The following ADAM2 variants were observed in gnomAD, a reference collection of about 807,000 sequenced individuals.
ADAM2 encodes the protein disintegrin and metalloproteinase domain-containing protein 2.
Under a neutral mutation model 99.3 loss-of-function variants are expected in ADAM2, and 101 were observed. The observed-to-expected ratio is 1.02, with a 90% CI of 0.87 to 1.20. The LOEUF (loss-of-function observed/expected upper bound fraction) is 1.20, where lower values mean the gene tolerates loss of function less well. Among genes scored for constraint, ADAM2 ranks in the 50% most tolerant of loss-of-function variants. The pLI, the probability that ADAM2 is intolerant of heterozygous loss-of-function variation, is 0.00. For synonymous variants in ADAM2, 323 were observed against 287.6 expected, an observed-to-expected ratio of 1.12 and a Z score of -1.25; for missense variants, 948 against 878.7, an observed-to-expected ratio of 1.08 and a Z score of -1.00.
chr8:39,820,145 G>A (rs1325594686), intron 6 of ADAM2, among the ~76,000 whole-genome samples: 2 of 152,124 alleles, frequency 1.3e-5, no homozygotes, highest in Non-Finnish European at 2.9e-5. Context: ...GAACATTTTT[G>A]TCAAACTAGC....
intron 14 of ADAM2, among the ~76,000 whole-genome samples, chr8:39,764,802 T>G (rs1311136581): frequency 6.6e-6 from 1 of 151,998 alleles, no homozygotes; most frequent in Non-Finnish European, 1.5e-5. Context: ...TCACCTGTGG[T>G]CAGGAGTTCG....
chr8:39,837,059 A>G (rs1040702874), intron 2 of ADAM2, 77 bp downstream of exon 2: 41 of 1,195,542 alleles, frequency 3.4e-5, no homozygotes, highest in Non-Finnish European at 4.7e-5. Context: ...GCATGAATGA[A>G]AAATGGCAGA....
At chr8:39,802,279 TC>T (rs1314818812) in intron 7 of ADAM2, among the ~76,000 whole-genome samples, 1 of 152,160 alleles carries the variant, frequency 6.6e-6, no homozygotes, top group Non-Finnish European at 1.5e-5. Flanking sequence ...ACACTGCTCT[TC>T]CTTCTTTCCG....
chr8:39,772,188 C>T (rs1021014225), intron 11 of ADAM2, among the ~76,000 whole-genome samples: 3 of 149,828 alleles, frequency 2.0e-5, no homozygotes, highest in African/African-American at 7.3e-5. Context: ...CAGCTTGAAT[C>T]TTCATGGAGA....
At chr8:39,828,661 T>G (rs1805503806) in intron 3 of ADAM2, among the ~76,000 whole-genome samples, 1 of 151,866 alleles carries the variant, frequency 6.6e-6, no homozygotes. Flanking sequence ...TAATTAAAAC[T>G]ATGACATTTG....
chr8:39,791,510 T>C (rs540915582), intron 7 of ADAM2, among the ~76,000 whole-genome samples: 2 of 152,210 alleles, frequency 1.3e-5, no homozygotes, highest in South Asian at 2.1e-4. Context: ...TGGCTATCCC[T>C]GTAACCCATT....
intron 7 of ADAM2, among the ~76,000 whole-genome samples, chr8:39,801,848 C>A (rs1489660695): frequency 6.6e-6 from 1 of 152,196 alleles, no homozygotes; most frequent in African/African-American, 2.4e-5. Flanking sequence ...TGGGAACAAG[C>A]CATCCAGCCT....
intron 5 of ADAM2, 24 bp downstream of exon 5, chr8:39,821,562 A>G: frequency 6.7e-7 from 1 of 1,483,828 alleles, no homozygotes; most frequent in Non-Finnish European, 9.3e-7. Flanking sequence ...TTATTTTGTA[A>G]TTCATAAAAC....
chr8:39,779,676 A>G (rs1432128183), intron 10 of ADAM2, among the ~76,000 whole-genome samples: 1 of 152,176 alleles, frequency 6.6e-6, no homozygotes, highest in Non-Finnish European at 1.5e-5. Context: ...TGGTGAATAT[A>G]CCTGTTTAGA....
At chr8:39,774,823 T>C (rs1221455471) in intron 11 of ADAM2, 3 of 152,102 alleles carry the variant, frequency 2.0e-5, no homozygotes, top group African/African-American at 7.2e-5. Context: ...TATATTGTGG[T>C]TGAGATAAAT....
chr8:39,778,831 T>C (rs913771219), intron 10 of ADAM2, among the ~76,000 whole-genome samples: 13 of 152,128 alleles, frequency 8.5e-5, no homozygotes, highest in Non-Finnish European at 1.6e-4. Context: ...ATATTAATAC[T>C]GGTACTGTTA....
At chr8:39,750,071 G>A (rs777589404) in intron 16 of ADAM2, among the ~76,000 whole-genome samples, 12 of 152,024 alleles carry the variant, frequency 7.9e-5, no homozygotes, top group Admixed American at 4.6e-4. Flanking sequence ...TTTGTGAAGC[G>A]TAAAATACAG....
intron 10 of ADAM2, among the ~76,000 whole-genome samples, chr8:39,785,603 CTG>C (rs1803434044): frequency 6.6e-6 from 1 of 152,056 alleles, no homozygotes; most frequent in South Asian, 2.1e-4. Context: ...CAAGACCAGC[CTG>C]GCCAATGTGG....
chr8:39,777,688 G>A (rs907008581), intron 10 of ADAM2, among the ~76,000 whole-genome samples: 1 of 151,848 alleles, frequency 6.6e-6, no homozygotes, highest in Admixed American at 6.6e-5. Flanking sequence ...GAATTGAAAT[G>A]TTCCTAATGC....
intron 11 of ADAM2, among the ~76,000 whole-genome samples, chr8:39,773,277 T>C (rs949781530): frequency 2.6e-5 from 4 of 151,732 alleles, no homozygotes; most frequent in Non-Finnish European, 5.9e-5. Context: ...TGGTGTGTAA[T>C]TGAAGGTCAA....
chr8:39,821,022 A>G lies in ADAM2; in HGVS notation c.493T>C (p.Phe165Leu). ...CCTACCTCTACGCTTTGTAATTTAA[A>G]GGACAGATCTCTTGATTCAATATCC... ...EKDIESRDLS[F>L]KLQSVEPQQD... Residue 165 changes from phenylalanine to leucine, a missense_variant, in exon 6 of 21, where the codon TTT becomes CTT. Physicochemically the swap from Phe to Leu is conservative, Grantham distance 22 (BLOSUM62 0). Transcript: ENST00000265708. 1 of 1,597,418 alleles carries G rather than the reference A, an allele frequency of 6.3e-7. No individual in the cohort carries two copies. The highest frequency in any genetic ancestry group is 8.5e-7 in the Non-Finnish European group (1 of 1,170,508).
intron 4 of ADAM2, among the ~76,000 whole-genome samples, chr8:39,823,488 C>T (rs1180802914): frequency 6.6e-6 from 1 of 151,666 alleles, no homozygotes; most frequent in Non-Finnish European, 1.5e-5. Flanking sequence ...TTACCACATT[C>T]AGATTGTTGA....
chr8:39,772,210 C>T (rs542543354), intron 11 of ADAM2, among the ~76,000 whole-genome samples: 1 of 150,534 alleles, frequency 6.6e-6, no homozygotes, highest in African/African-American at 2.4e-5. Context: ...TTGCTGGATG[C>T]TTTCATTCTC....
At chr8:39,778,561 T>G (rs1803091276) in intron 10 of ADAM2, among the ~76,000 whole-genome samples, 1 of 152,142 alleles carries the variant, frequency 6.6e-6, no homozygotes, top group South Asian at 2.1e-4. Context: ...GTGGAGGTAC[T>G]GCAAAGGCTC....
Sources: gnomAD v4.1 joint callset for allele counts (sites outside exome capture counted in the v4.1 genomes callset) on GRCh38, gnomAD v4.1.1 for gene constraint, MANE v1.5 for transcripts, NCBI Gene and HGNC (gene_info 2026-07-23, HGNC 2026-07-21) for gene names.